Variants in NRIP1 observed in about 807,000 individuals in gnomAD.
The protein encoded by NRIP1 is nuclear receptor interacting protein 1.
A neutral mutation model predicts 75.0 loss-of-function variants in NRIP1; 28 were observed. That is an observed-to-expected ratio of 0.37 (90% CI 0.28 to 0.51). The LOEUF (loss-of-function observed/expected upper bound fraction) is 0.51, where lower values mean the gene tolerates loss of function less well. Ranked by LOEUF, NRIP1 falls within the 20% of genes least tolerant of loss-of-function variation. NRIP1 has a pLI of 0.92. For synonymous variants in NRIP1, 526 were observed against 487.6 expected (o/e 1.08, Z -1.04); for missense variants, 1,435 against 1,343.7 (o/e 1.07, Z -1.06).
chr21:14,999,214 C>T (rs544371727), intron 3 of NRIP1, among the ~76,000 whole-genome samples: 19 of 152,270 alleles, frequency 1.2e-4, no homozygotes, highest in Admixed American at 2.6e-4. Context: ...TGGGCTCAAG[C>T]AATCCTCCTA....
chr21:15,030,930 C>T (rs1257173595), intron 2 of NRIP1, among the ~76,000 whole-genome samples: 1 of 129,154 alleles, frequency 7.7e-6, no homozygotes, highest in African/African-American at 2.6e-5. Flanking sequence ...TGTGTGTACA[C>T]TCTGGAAGGC....
At chr21:15,033,662 A>G (rs2088765121) in intron 2 of NRIP1, among the ~76,000 whole-genome samples, 1 of 152,214 alleles carries the variant, frequency 6.6e-6, no homozygotes, top group South Asian at 2.1e-4. Flanking sequence ...GACACTAGTA[A>G]ATACCTGTTA....
intron 3 of NRIP1, among the ~76,000 whole-genome samples, chr21:15,013,437 T>A (rs985588458): frequency 1.6e-4 from 24 of 152,160 alleles, no homozygotes; most frequent in Non-Finnish European, 3.4e-4. Flanking sequence ...TGAAACACTG[T>A]GGTCAGGTAA....
intron 1 of NRIP1, among the ~76,000 whole-genome samples, chr21:15,045,189 C>A (rs1051633946): frequency 1.3e-5 from 2 of 152,108 alleles, no homozygotes; most frequent in Non-Finnish European, 2.9e-5. Flanking sequence ...GTCCATTCTA[C>A]CCAGATGAGT....
rs112671766 is a variant in NRIP1 at position 14,999,163 on chromosome 21, G to A, written c.-335+15181C>T. ...AGTTAATTTTTTAATTTTTAGTAGC[G>A]ATAGGGTCTTACTATGGTGCCCAGA... On this transcript the variant is annotated intron_variant, in intron 3 of 3. Coordinates refer to ENST00000318948, the MANE Select transcript of NRIP1 (RefSeq NM_003489.4). Among the ~76,000 whole-genome samples the A allele has an allele frequency of 4.3e-3, 658 of 152,128 alleles. 7 individuals are homozygous for A. The highest frequency in any genetic ancestry group is 0.015 in the African/African-American group (621 of 41,490).
chr21:14,984,001 T>A (rs889042880), intron 3 of NRIP1, among the ~76,000 whole-genome samples: 2 of 152,340 alleles, frequency 1.3e-5, no homozygotes, highest in African/African-American at 4.8e-5. Context: ...TAACACAACA[T>A]CCATTCTGCA....
intron 2 of NRIP1, among the ~76,000 whole-genome samples, chr21:15,037,817 G>C (rs763847887): frequency 6.6e-6 from 1 of 152,102 alleles, no homozygotes; most frequent in Non-Finnish European, 1.5e-5. Flanking sequence ...GTGAGCAAAG[G>C]TCTTTGTTCA....
intron 2 of NRIP1, among the ~76,000 whole-genome samples, chr21:15,035,780 A>T (rs574084685): frequency 1.4e-4 from 21 of 151,742 alleles, no homozygotes; most frequent in East Asian, 5.8e-4. Context: ...CTGGTCTCAA[A>T]CTCCTGACCT....
chr21:15,014,872 T>C (rs2147177188), intron 2 of NRIP1, among the ~76,000 whole-genome samples: 1 of 152,106 alleles, frequency 6.6e-6, no homozygotes, highest in Admixed American at 6.5e-5. Context: ...TATGGAACTT[T>C]TTCAGTTTCA....
At chr21:15,060,220 AAAAGG>A (rs546244048) in intron 1 of NRIP1, among the ~76,000 whole-genome samples, 3 of 152,284 alleles carry the variant, frequency 2.0e-5, no homozygotes, top group South Asian at 4.1e-4. Context: ...GTAGTAAAAC[AAAAGG>A]AAAGTTCTGT....
chr21:15,013,068 AG>A (rs1283727673), intron 3 of NRIP1, among the ~76,000 whole-genome samples: 2 of 152,220 alleles, frequency 1.3e-5, no homozygotes, highest in Non-Finnish European at 2.9e-5. Flanking sequence ...AGCAGATTTC[AG>A]ACTGCCAACC....
intron 2 of NRIP1, among the ~76,000 whole-genome samples, chr21:15,030,503 T>A (rs1294066890): frequency 6.6e-6 from 1 of 151,952 alleles, no homozygotes; most frequent in Non-Finnish European, 1.5e-5. Context: ...GATATTTCAA[T>A]GGAAATCATA....
At chr21:15,039,017 T>C (rs1280364285) in intron 2 of NRIP1, among the ~76,000 whole-genome samples, 1 of 152,082 alleles carries the variant, frequency 6.6e-6, no homozygotes, top group African/African-American at 2.4e-5. Flanking sequence ...TGTTAAGTGC[T>C]TGGAAAAAGA....
chr21:15,017,439 C>T (rs1264931620), intron 2 of NRIP1, among the ~76,000 whole-genome samples: 1 of 152,160 alleles, frequency 6.6e-6, no homozygotes, highest in Non-Finnish European at 1.5e-5. Context: ...CTTACCAACA[C>T]TCCTAGAACT....
In NRIP1 at chr21:14,966,739, T is replaced by C. The variant is rs267606081; in HGVS notation, c.1454A>G (p.Asp485Gly). ...GTTTAGCTTAGAATTCTTTGAGGTATCTTGATCTTCTTTGATATCTACATC... is the reference window on the plus strand; with the variant it reads ...GTTTAGCTTAGAATTCTTTGAGGTACCTTGATCTTCTTTGATATCTACATC... The part of the protein sequence containing the change: ...VPDVDIKEDQ[D>G]TSKNSKLNSH... Residue 485 changes from aspartate to glycine, a missense_variant, in exon 4 of 4, where the codon GAT (aspartate) becomes GGT (glycine). Transcript: ENST00000318948. 1 of 1,614,114 alleles carries C rather than the reference T, an allele frequency of 6.2e-7. No individual in the cohort carries two copies. The highest frequency in any genetic ancestry group is 1.1e-5 in the South Asian group (1 of 91,090).
At chr21:15,021,532 T>A (rs898198074) in intron 2 of NRIP1, among the ~76,000 whole-genome samples, 1 of 152,124 alleles carries the variant, frequency 6.6e-6, no homozygotes, top group African/African-American at 2.4e-5. Context: ...AACTGAACAC[T>A]TGCAGTGGAT....
intron 3 of NRIP1, among the ~76,000 whole-genome samples, chr21:14,986,213 T>A (rs2087398384): frequency 1.3e-5 from 2 of 152,226 alleles, no homozygotes; most frequent in African/African-American, 4.8e-5. Flanking sequence ...CAAGTATGAA[T>A]GTTCAATGAA....
chr21:15,039,111 C>T (rs1194436905), intron 2 of NRIP1, among the ~76,000 whole-genome samples: 3 of 152,068 alleles, frequency 2.0e-5, no homozygotes, highest in South Asian at 4.1e-4. Flanking sequence ...TGAGAAGACG[C>T]CTTTTCAGCT....
intron 1 of NRIP1, among the ~76,000 whole-genome samples, chr21:15,063,188 G>A (rs1306008043): frequency 1.3e-5 from 2 of 152,116 alleles, no homozygotes; most frequent in Admixed American, 6.5e-5. Context: ...CTCCTTCTTT[G>A]TCTCTAGGAA....
Sources: allele counts gnomAD v4.1 joint callset (sites outside exome capture counted in the v4.1 genomes callset), GRCh38; gene constraint gnomAD v4.1.1; transcripts MANE v1.5; gene names NCBI Gene and HGNC (gene_info 2026-07-23, HGNC 2026-07-21).